The following ESRRG variants were observed in gnomAD, a reference collection of about 807,000 sequenced individuals.
The protein encoded by ESRRG is estrogen-related receptor gamma.
In ESRRG, 13 loss-of-function variants were observed where a neutral mutation model predicts 44.0. The ratio of observed to expected loss-of-function variants is 0.30; its 90% confidence interval spans 0.19 to 0.47. The LOEUF is 0.47. Among genes scored for constraint, ESRRG ranks in the 20% least tolerant of loss-of-function variants. The pLI, the probability that ESRRG is intolerant of heterozygous loss-of-function variation, is 1.00. For synonymous variants in ESRRG, 215 were observed against 214.6 expected (o/e 1.00, Z -0.02); for missense variants, 395 against 580.6 (o/e 0.68, Z 3.29).
intron 1 of ESRRG, among the ~76,000 whole-genome samples, chr1:216,995,569 G>T (rs2076270219): frequency 6.6e-6 from 1 of 152,146 alleles, no homozygotes; most frequent in African/African-American, 2.4e-5. Context: ...ACTGTTAAAT[G>T]ATCCTTCTTG....
intron 1 of ESRRG, among the ~76,000 whole-genome samples, chr1:217,071,260 A>AAAAC (rs1184113363): frequency 1.3e-5 from 2 of 152,196 alleles, no homozygotes; most frequent in African/African-American, 4.8e-5. Flanking sequence ...AAAAAAACAA[A>AAAAC]AAACAAACAA....
intron 1 of ESRRG, among the ~76,000 whole-genome samples, chr1:216,707,088 T>A (rs1335801444): frequency 6.6e-6 from 1 of 152,220 alleles, no homozygotes; most frequent in African/African-American, 2.4e-5. Flanking sequence ...TACTTTTCAA[T>A]AGTCATTTAC....
At chr1:216,685,063 C>T (rs1217099876) in intron 1 of ESRRG, among the ~76,000 whole-genome samples, 2 of 152,132 alleles carry the variant, frequency 1.3e-5, no homozygotes, top group Admixed American at 1.3e-4. Context: ...TTACTTTACA[C>T]AAGTTACTCT....
At chr1:216,701,806 TG>T (rs2081434615) in intron 1 of ESRRG, among the ~76,000 whole-genome samples, 1 of 152,214 alleles carries the variant, frequency 6.6e-6, no homozygotes, top group Admixed American at 6.5e-5. Context: ...AGAAGCAACA[TG>T]GATGCTACTA....
chr1:216,545,342 C>A (rs368627851), intron 5 of ESRRG, among the ~76,000 whole-genome samples: 1 of 151,862 alleles, frequency 6.6e-6, no homozygotes, highest in South Asian at 2.1e-4. Flanking sequence ...GGATTACAGG[C>A]CTTAGCCACT....
intron 2 of ESRRG, among the ~76,000 whole-genome samples, chr1:216,860,100 C>T (rs532437475): frequency 6.6e-6 from 1 of 152,172 alleles, no homozygotes; most frequent in African/African-American, 2.4e-5. Flanking sequence ...TCCGTCTCCA[C>T]TAAAAATATA....
chr1:217,040,849 T>C (rs368920861), intron 1 of ESRRG, among the ~76,000 whole-genome samples: 1 of 152,276 alleles, frequency 6.6e-6, no homozygotes, highest in South Asian at 2.1e-4. Flanking sequence ...TAGATACTAT[T>C]TGGCCTACTA....
chr1:216,755,460 G>A lies in ESRRG; in HGVS notation c.-13-77969C>T, dbSNP rs146988134. On this transcript the variant is annotated intron_variant, in intron 2 of 7. Transcript: ENST00000359162. Reference sequence around the variant, plus strand: ...TATCAAAGTGACTATATCATATCCCGAATTATCAATTATATACAAACTACA... The same window carrying A: ...TATCAAAGTGACTATATCATATCCCAAATTATCAATTATATACAAACTACA... 9.9e-5 allele frequency among the ~76,000 whole-genome samples: 15 copies of A among 151,934 alleles called. No individual in the cohort carries two copies. In the South Asian group the frequency reaches 1.0e-3, roughly 11 times the overall value.
intron 1 of ESRRG, among the ~76,000 whole-genome samples, chr1:216,693,630 G>C (rs1318081784): frequency 1.3e-5 from 2 of 152,144 alleles, no homozygotes; most frequent in Non-Finnish European, 2.9e-5. Flanking sequence ...CAACGTAAAT[G>C]CTACGTAAAT....
chr1:217,087,027 C>A (rs1365981576), intron 1 of ESRRG, among the ~76,000 whole-genome samples: 3 of 152,126 alleles, frequency 2.0e-5, no homozygotes, highest in Non-Finnish European at 4.4e-5. Context: ...AAGGATTTGT[C>A]TGCATTAGAA....
At chr1:216,901,348 T>C (rs112705254) in intron 2 of ESRRG, among the ~76,000 whole-genome samples, 23 of 152,282 alleles carry the variant, frequency 1.5e-4, no homozygotes, top group African/African-American at 5.1e-4. Flanking sequence ...GTAACTCAAG[T>C]TATGCCTTGT....
chr1:217,087,027 C>T (rs1365981576), intron 1 of ESRRG, among the ~76,000 whole-genome samples: 1 of 152,126 alleles, frequency 6.6e-6, no homozygotes, highest in African/African-American at 2.4e-5. Flanking sequence ...AAGGATTTGT[C>T]TGCATTAGAA....
intron 2 of ESRRG, among the ~76,000 whole-genome samples, chr1:216,653,135 A>G (rs1032992225): frequency 2.6e-5 from 4 of 152,194 alleles, no homozygotes; most frequent in Admixed American, 2.6e-4. Context: ...ATCCACTGCC[A>G]CAAACATAAT....
chr1:216,602,794 T>C (rs2059422381), intron 3 of ESRRG, among the ~76,000 whole-genome samples: 1 of 152,226 alleles, frequency 6.6e-6, no homozygotes, highest in Non-Finnish European at 1.5e-5. Flanking sequence ...TTCCACAAGC[T>C]CAATGTTCAG....
chr1:216,591,266 G>A (rs2057621007), intron 3 of ESRRG, among the ~76,000 whole-genome samples: 1 of 152,164 alleles, frequency 6.6e-6, no homozygotes, highest in South Asian at 2.1e-4. Context: ...CTACATAATG[G>A]AAACATTGTA....
chr1:216,679,697 A>T (rs1184189082), intron 1 of ESRRG, among the ~76,000 whole-genome samples: 5 of 140,126 alleles, frequency 3.6e-5, no homozygotes, highest in Non-Finnish European at 6.2e-5. Context: ...CCCTCTTTTT[A>T]AATTTTTTTT....
chr1:217,017,600 G>A (rs552670720), intron 1 of ESRRG, among the ~76,000 whole-genome samples: 2 of 151,922 alleles, frequency 1.3e-5, no homozygotes, highest in African/African-American at 4.8e-5. Flanking sequence ...TAATTTCCAG[G>A]TTGACTCCTT....
intron 1 of ESRRG, among the ~76,000 whole-genome samples, chr1:217,045,813 C>T (rs1034936380): frequency 1.4e-4 from 22 of 152,030 alleles, no homozygotes; most frequent in Non-Finnish European, 2.2e-4. Context: ...CCCTTGGGCG[C>T]TTTCCCTCAG....
intron 3 of ESRRG, among the ~76,000 whole-genome samples, chr1:216,640,488 G>GGAGAGA (rs72397494): frequency 4.1e-5 from 6 of 146,856 alleles, no homozygotes; most frequent in Non-Finnish European, 7.5e-5. Context: ...ACTAAGTGAG[G>GGAGAGA]GAGAGAGAGA....
Sources: gnomAD v4.1 joint callset for allele counts (sites outside exome capture counted in the v4.1 genomes callset) on GRCh38, gnomAD v4.1.1 for gene constraint, MANE v1.5 for transcripts, NCBI Gene and HGNC (gene_info 2026-07-23, HGNC 2026-07-21) for gene names.